PRKN: variants seen among roughly 807,000 people sequenced by gnomAD.
PRKN encodes E3 ubiquitin-protein ligase parkin.
In PRKN, 56 loss-of-function variants were observed where a neutral mutation model predicts 59.5. The observed-to-expected ratio is 0.94, with a 90% CI of 0.76 to 1.18. The LOEUF (loss-of-function observed/expected upper bound fraction) is 1.18. PRKN is among the 50% of genes most tolerant of loss of function. The probability of loss-of-function intolerance (pLI) is 0.00; values close to 1 mark genes in which losing one functional copy is unlikely to be tolerated. For missense variants in PRKN, 657 were observed against 596.4 expected (o/e 1.10, Z -1.06); for synonymous variants, 250 against 222.1 (o/e 1.13, Z -1.12).
At chr6:162,343,557 T>C (rs1230919974) in intron 2 of PRKN, among the ~76,000 whole-genome samples, 2 of 152,222 alleles carry the variant, frequency 1.3e-5, no homozygotes, top group African/African-American at 4.8e-5. Context: ...TCAGGTGAAG[T>C]ATATTGGATA....
intron 6 of PRKN, among the ~76,000 whole-genome samples, chr6:161,946,406 ACACACACACTCTCTCTCTCTCTCT>A (rs1779776170): frequency 1.0e-5 from 1 of 98,846 alleles, no homozygotes; most frequent in Non-Finnish European, 2.2e-5. Flanking sequence ...ACACACACAC[ACACACACACTCTCTCTCTCTCTCT>A]CTCTCTCTCT....
intron 6 of PRKN, among the ~76,000 whole-genome samples, chr6:161,870,260 A>G (rs575267597): frequency 3.3e-5 from 5 of 150,188 alleles, no homozygotes; most frequent in South Asian, 4.2e-4. Context: ...AAAGAAAATG[A>G]CAAAATCAGA....
At chr6:162,053,305 A>T (rs1302121088) in intron 5 of PRKN, among the ~76,000 whole-genome samples, 2 of 152,206 alleles carry the variant, frequency 1.3e-5, no homozygotes, top group African/African-American at 4.8e-5. Context: ...ATTAACTGCC[A>T]GCTGGCTCTG....
intron 3 of PRKN, among the ~76,000 whole-genome samples, chr6:162,251,386 T>C (rs1483453851): frequency 6.6e-6 from 1 of 152,024 alleles, no homozygotes; most frequent in Non-Finnish European, 1.5e-5. Flanking sequence ...TTATGGAATA[T>C]GATGATCAAA....
At chr6:161,387,582 G>A (rs886172099) in intron 9 of PRKN, among the ~76,000 whole-genome samples, 1 of 152,164 alleles carries the variant, frequency 6.6e-6, no homozygotes, top group Non-Finnish European at 1.5e-5. Flanking sequence ...TAGAATGTAA[G>A]GAAAAAACTT....
At chr6:161,716,053 T>C (rs2128183796) in intron 7 of PRKN, 1 of 1,271,064 alleles carries the variant, frequency 7.9e-7, no homozygotes, top group Non-Finnish European at 1.0e-6. Flanking sequence ...ACAGCCACCA[T>C]GCTGTGCTGG....
rs74596546 is a variant in PRKN, at chr6:161,753,749, T to G, written c.871+32023A>C. On this transcript the variant is annotated intron_variant, in intron 7 of 11. Transcript: ENST00000366898. ...AGCAAGGCCAATTCTCTCCTGGTAA[T>G]GGGAACACAAGTGCCAGAGAAGGAT... 0.02 allele frequency among the ~76,000 whole-genome samples: 3,113 copies of G among 152,184 alleles called. 462 individuals carry two copies. In the East Asian group the frequency reaches 0.39, roughly 19 times the overall value.
Position 161,442,293 on chromosome 6 carries a change from C to T in PRKN, c.1084-55416G>A, listed in dbSNP as rs188611530. ...CAGAGCCATTGAAGGGGCTTTCCAC[C>T]TCCTACGATAAGTAAAAACATAAAA... On this transcript the variant is annotated intron_variant, in intron 9 of 11. Coordinates refer to ENST00000366898, the MANE Select transcript of PRKN (RefSeq NM_004562.3). The surrounding 1 kb of genome is among the most constrained non-coding windows in gnomAD (Gnocchi z 4.6). Among the ~76,000 whole-genome samples the T allele has an allele frequency of 7.8e-4, 119 of 152,286 alleles. No individual in the cohort carries two copies. The highest frequency in any genetic ancestry group is 3.4e-3 in the Middle Eastern group (1 of 294).
chr6:162,158,045 G>C (rs1252286333), intron 4 of PRKN, among the ~76,000 whole-genome samples: 1 of 151,940 alleles, frequency 6.6e-6, no homozygotes, highest in Non-Finnish European at 1.5e-5. Flanking sequence ...CCTATCAGAA[G>C]GTAACTCATG....
intron 1 of PRKN, among the ~76,000 whole-genome samples, chr6:162,542,780 T>TCACCTC (rs200652805): frequency 2.0e-4 from 31 of 151,996 alleles, no homozygotes; most frequent in African/African-American, 5.1e-4. Flanking sequence ...ACACTGACCA[T>TCACCTC]CACCTCCACC....
At position 162,390,404 on chromosome 6, in the gene PRKN, C is replaced by T. The variant is rs1004845790; in HGVS notation, c.171+52906G>A. ...ATATATATATATATATATACACACA[C>T]ACACACACACACACACACACACACC... On this transcript the variant is annotated intron_variant, in intron 2 of 11. Transcript: ENST00000366898. Among the ~76,000 whole-genome samples the T allele has an allele frequency of 7.7e-3, 809 of 105,726 alleles. 2 individuals carry two copies. Among genetic ancestry groups the T allele is most frequent in the African/African-American group, 0.016 (400 of 24,570 alleles). The allele number at this position is 105,726 out of a possible 152,430, so 69.4% of individuals were successfully genotyped here.
rs1784631937 is a variant in PRKN, at chr6:161,353,286, C to T, written c.1286-3075G>A. On this transcript the variant is annotated intron_variant, in intron 11 of 11. Coordinates refer to ENST00000366898, the MANE Select transcript of PRKN (RefSeq NM_004562.3). This position sits in a 1 kb window ranked among gnomAD's most constrained non-coding sequence, Gnocchi z 4.8. Reference sequence around the variant, plus strand: ...CTGTTCTGACTGTGGGTTATAAGACCCGGATTTCAGAAAGAGTCCTGTCCA... The same window carrying T: ...CTGTTCTGACTGTGGGTTATAAGACTCGGATTTCAGAAAGAGTCCTGTCCA... Among the ~76,000 whole-genome samples the T allele has an allele frequency of 6.6e-6, 1 of 152,082 alleles. No individual in the cohort carries two copies.
intron 4 of PRKN, among the ~76,000 whole-genome samples, chr6:162,174,294 T>C (rs1783431957): frequency 6.6e-6 from 1 of 152,208 alleles, no homozygotes; most frequent in African/African-American, 2.4e-5. Context: ...CTACACTTTG[T>C]TCCCTTCCAT....
intron 7 of PRKN, among the ~76,000 whole-genome samples, chr6:161,671,741 A>C (rs1784917311): frequency 6.6e-6 from 1 of 152,204 alleles, no homozygotes; most frequent in Non-Finnish European, 1.5e-5. Context: ...AGAGCATGTA[A>C]TCATAAACTG....
At chr6:161,941,953 A>G (rs1199212077) in intron 6 of PRKN, among the ~76,000 whole-genome samples, 1 of 152,198 alleles carries the variant, frequency 6.6e-6, no homozygotes, top group Non-Finnish European at 1.5e-5. Flanking sequence ...GGGTGTTTTA[A>G]TTTTGGTCCA....
chr6:161,453,496 T>C (rs1160050138), intron 9 of PRKN, among the ~76,000 whole-genome samples: 2 of 152,316 alleles, frequency 1.3e-5, no homozygotes, highest in African/African-American at 2.4e-5. Context: ...ATCAGTGGGA[T>C]TGCCCTTGAT....
At chr6:162,514,611 C>T (rs1200607877) in intron 1 of PRKN, among the ~76,000 whole-genome samples, 1 of 152,108 alleles carries the variant, frequency 6.6e-6, no homozygotes, top group African/African-American at 2.4e-5. Flanking sequence ...CAGTATTGCA[C>T]AGGAGGAGAA....
intron 6 of PRKN, among the ~76,000 whole-genome samples, chr6:161,947,907 G>A (rs999665635): frequency 6.6e-6 from 1 of 151,904 alleles, no homozygotes; most frequent in Non-Finnish European, 1.5e-5. Flanking sequence ...GCCATCCTCT[G>A]AAAGCATATT....
chr6:162,510,138 A>G (rs982163538), intron 1 of PRKN, among the ~76,000 whole-genome samples: 1 of 152,188 alleles, frequency 6.6e-6, no homozygotes, highest in African/African-American at 2.4e-5. Context: ...GAATCTGCCA[A>G]AACAACAGTC....
Sources: allele counts gnomAD v4.1 joint callset (sites outside exome capture counted in the v4.1 genomes callset), GRCh38; gene constraint gnomAD v4.1.1; non-coding constraint Gnocchi (gnomAD v3.1); transcripts MANE v1.5; gene names NCBI Gene and HGNC (gene_info 2026-07-23, HGNC 2026-07-21).